Variants in EMC4 observed in about 807,000 individuals in gnomAD.
The protein encoded by EMC4 is ER membrane protein complex subunit 4.
Under a neutral mutation model 24.2 loss-of-function variants are expected in EMC4, and 9 were observed. That is an observed-to-expected ratio of 0.37 (90% CI 0.22 to 0.65). EMC4 has a LOEUF of 0.65. Ranked by LOEUF, EMC4 falls within the 30% of genes least tolerant of loss-of-function variation. The pLI is 0.59. For synonymous variants in EMC4, 86 were observed against 81.1 expected (o/e 1.06, Z -0.32); for missense variants, 169 against 234.6 (o/e 0.72, Z 1.83).
chr15:34,227,819 A>T lies in EMC4; in HGVS notation c.328A>T (p.Ile110Phe). ...GGTGTGTATGATGGCCTGGCGACCC[A>T]TTCAGGCACTTATGGCCATTTCAGC... ...MMVCMMAWRP[I>F]QALMAISATF... Residue 110 changes from isoleucine (I) to phenylalanine (F), a missense_variant, in exon 3 of 5, where the codon ATT (isoleucine) becomes TTT (phenylalanine). By Grantham distance (21) the Ile-to-Phe change is conservative. Coordinates refer to ENST00000267750, the MANE Select transcript of EMC4 (RefSeq NM_016454.4). The T allele has an allele frequency of 1.2e-6, 2 of 1,614,094 alleles. No individual in the cohort carries two copies. The highest frequency in any genetic ancestry group is 1.7e-6 in the Non-Finnish European group (2 of 1,179,956).
intron 1 of EMC4, 44 bp downstream of exon 1, chr15:34,225,244 C>T (rs1890618948): frequency 5.5e-6 from 8 of 1,462,132 alleles, no homozygotes; most frequent in Non-Finnish European, 7.4e-6. Flanking sequence ...CATCCCAGAA[C>T]TGCACCAGAG....
At chr15:34,225,854 G>C (rs376583573) in intron 2 of EMC4, 13 of 626,840 alleles carry the variant, frequency 2.1e-5, no homozygotes, top group Non-Finnish European at 3.8e-5. Context: ...TGGAACATAA[G>C]GTATAAGAAA....
At chr15:34,228,345 C>A in intron 3 of EMC4, 84 bp from the exon 4 acceptor site, 1 of 1,429,830 alleles carries the variant, frequency 7.0e-7, no homozygotes, top group South Asian at 1.3e-5. Flanking sequence ...ATGGGTCTGT[C>A]TATATGAATT....
At chr15:34,228,712 G>A (rs1356768965) in intron 4 of EMC4, 123 bp downstream of exon 4, 1 of 739,984 alleles carries the variant, frequency 1.4e-6, no homozygotes, top group Non-Finnish European at 2.0e-6. Flanking sequence ...TTTTTTTTGA[G>A]ACGGAGTATT....
rs1195991372 is a variant in EMC4, at chr15:34,225,143, A to G, written c.29A>G (p.Asn10Ser). Residue 10 changes from asparagine (N) to serine (S), a missense_variant, in exon 1 of 5, where the codon AAC (asparagine) becomes AGC (serine). Coordinates refer to ENST00000267750, the MANE Select transcript of EMC4 (RefSeq NM_016454.4). MTAQGGLVA[N>S]RGRRFKWAIE... ...ACGGCCCAGGGGGGCCTGGTGGCTA[A>G]CCGAGGCCGGCGCTTCAAGTGGGCC... 2 of 1,551,666 alleles carry G rather than the reference A, an allele frequency of 1.3e-6. No homozygotes were observed. The highest frequency in any genetic ancestry group is 1.4e-5 in the African/African-American group (1 of 73,174).
Position 34,230,063 on chromosome 15 carries a change from C to T in EMC4, c.*275C>T. On this transcript the variant is annotated 3_prime_UTR_variant, in exon 5 of 5. Coordinates refer to ENST00000267750, the MANE Select transcript of EMC4 (RefSeq NM_016454.4). ...GCAAAACAACAACAAAAAAACATAACTATGTAAACAAGAGAATAACTGCTG... is the reference window on the plus strand; with the variant it reads ...GCAAAACAACAACAAAAAAACATAATTATGTAAACAAGAGAATAACTGCTG... 2.3e-6 allele frequency: 1 copy of T among 435,664 alleles called. No homozygotes were observed. The highest frequency in any genetic ancestry group is 4.1e-6 in the Non-Finnish European group (1 of 246,812). 27.0% of individuals were successfully genotyped at this position (435,664 alleles called of 1,614,324 possible). A position where few individuals can be genotyped will look rare whatever the true frequency, so the allele number is the denominator to read the frequency against.
intron 4 of EMC4, 97 bp downstream of exon 4, chr15:34,228,686 C>CTT (rs71119951): frequency 1.5e-3 from 441 of 300,596 alleles, no homozygotes; most frequent in African/African-American, 2.6e-3. Context: ...ATTTGAGTTT[C>CTT]TTTTTTTTTT....
At chr15:34,227,902 C>T (rs1484697286) in intron 3 of EMC4, 56 bp downstream of exon 3, 31 of 1,574,068 alleles carry the variant, frequency 2.0e-5, no homozygotes, top group Middle Eastern at 1.8e-4. Flanking sequence ...AAAGGCAGGC[C>T]GGGCATGGTG....
rs1395461658 is a variant in EMC4 at position 34,228,851 on chromosome 15, A to AT, written c.516+269dup. On this transcript the variant is annotated intron_variant, in intron 4 of 4. Transcript: ENST00000267750. Reference sequence around the variant, plus strand: ...AGGCACCTGCCACCATGCCCAGCTAATTTTTTTGTATCTTTTAGTAGAGAT... The same window carrying AT: ...AGGCACCTGCCACCATGCCCAGCTAATTTTTTTTGTATCTTTTAGTAGAGAT... 1.1e-4 allele frequency: 29 copies of AT among 272,446 alleles called. No individual in the cohort carries two copies. In the South Asian group the frequency reaches 1.3e-3, roughly 12 times the overall value. 16.9% of individuals were successfully genotyped at this position (272,446 alleles called of 1,614,324 possible). A position where few individuals can be genotyped will look rare whatever the true frequency, so the allele number is the denominator to read the frequency against.
Position 34,227,851 on chromosome 15 carries a change from G to C in EMC4, c.355+5G>C. On this transcript the variant is annotated splice_donor_5th_base_variant and intron_variant, in intron 3 of 4. Coordinates refer to ENST00000267750, the MANE Select transcript of EMC4 (RefSeq NM_016454.4). The stretch of plus-strand genomic sequence containing the variant: ...CACTTATGGCCATTTCAGCCAGTAA[G>C]TATTCTTGAAACAATAACCCTTCCA... 6.2e-7 allele frequency: 1 copy of C among 1,612,616 alleles called. No homozygotes were observed. The highest frequency in any genetic ancestry group is 1.7e-4 in the Middle Eastern group (1 of 6,042).
chr15:34,225,552 G>A lies in EMC4; in HGVS notation c.103G>A (p.Gly35Ser). The A allele has an allele frequency of 6.2e-7, 1 of 1,614,106 alleles. No individual in the cohort carries two copies. Among genetic ancestry groups the A allele is most frequent in the Non-Finnish European group, 8.5e-7 (1 of 1,179,954 alleles). Residue 35 changes from glycine (G) to serine (S), a missense_variant, in exon 2 of 5, where the codon GGC (glycine) becomes AGC (serine). Physicochemically the swap from Gly to Ser is moderately conservative, Grantham distance 56. Transcript: ENST00000267750. ...GTTTTTTAGGGGTCGAAGTGACCGG[G>A]GCAGTGGCCAGGGAGACTCGCTCTA... ...GGGSRGRSDR[G>S]SGQGDSLYPV...
Position 34,228,558 on chromosome 15 carries a change from C to T in EMC4, c.485C>T (p.Ser162Leu), listed in dbSNP as rs1040431132. The T allele has an allele frequency of 1.1e-5, 17 of 1,613,624 alleles. No homozygotes were observed. Among genetic ancestry groups the T allele is most frequent in the East Asian group, 2.2e-5 (1 of 44,868 alleles). The change falls in exon 4 of 5, where the codon TCG becomes TTG. Residue 162 changes from serine to leucine, a missense_variant. By Grantham distance (145) the Ser-to-Leu change is moderately radical. Coordinates refer to ENST00000267750, the MANE Select transcript of EMC4 (RefSeq NM_016454.4). ...QSMGLLPTHA[S>L]DWLAFIEPPE... Reference sequence around the variant, plus strand: ...ATGGGACTGTTACCTACACATGCATCGGATTGGTTAGCCTTCATTGAGCCC... The same window carrying T: ...ATGGGACTGTTACCTACACATGCATTGGATTGGTTAGCCTTCATTGAGCCC...
intron 2 of EMC4, chr15:34,226,343 A>C (rs569348757): frequency 6.5e-6 from 1 of 154,656 alleles, no homozygotes; most frequent in African/African-American, 2.4e-5. Flanking sequence ...TCATTTTTTC[A>C]TTCCTGATAT....
Position 34,225,178 on chromosome 15 carries a change from AGCGG to A in EMC4, c.67_70del (p.Gly23LeufsTer59). The A allele has an allele frequency of 1.3e-6, 2 of 1,551,372 alleles. No homozygotes were observed. The highest frequency in any genetic ancestry group is 1.7e-6 in the Non-Finnish European group (2 of 1,146,830). On this transcript the variant is annotated frameshift_variant, in exon 1 of 5. Transcript: ENST00000267750. LOFTEE classifies it high-confidence loss of function. ...GCGCTTCAAGTGGGCCATTGAGCTA[AGCGG>A]GCCTGGAGGAGGCAGCAGGTGAGGC...
At chr15:34,227,662 C>A in intron 2 of EMC4, 31 bp from the exon 3 acceptor site, 1 of 1,606,432 alleles carries the variant, frequency 6.2e-7, no homozygotes, top group South Asian at 1.1e-5. Context: ...GGGTAGTGAT[C>A]AGAGGGTTAA....
Position 34,229,821 on chromosome 15 carries a change from T to A in EMC4, c.*33T>A. 1 of 1,609,642 alleles carries A rather than the reference T, an allele frequency of 6.2e-7. No homozygotes were observed. Among genetic ancestry groups the A allele is most frequent in the Non-Finnish European group, 8.5e-7 (1 of 1,175,938 alleles). On this transcript the variant is annotated 3_prime_UTR_variant, in exon 5 of 5. Transcript: ENST00000267750. Reference sequence around the variant, plus strand: ...AAAGCAGCGCCTGGTCCCTATGTATTTGGGTCTTATTTACATCCTTCTTTA... The same window carrying A: ...AAAGCAGCGCCTGGTCCCTATGTATATGGGTCTTATTTACATCCTTCTTTA...
chr15:34,229,676 T>C, intron 4 of EMC4, 77 bp from the exon 5 acceptor site: 1 of 835,538 alleles, frequency 1.2e-6, no homozygotes. Context: ...GTGGTTAAAG[T>C]ATTAAGTAAT....
intron 4 of EMC4, 177 bp from the exon 5 acceptor site, chr15:34,229,576 G>A: frequency 1.8e-6 from 1 of 558,890 alleles, no homozygotes; most frequent in South Asian, 2.3e-5. Context: ...CAAGCGATCT[G>A]CCTGCCTTGG....
chr15:34,227,716 T>A lies in EMC4; in HGVS notation c.225T>A (p.Gly75=), dbSNP rs200052989. 16 of 1,613,868 alleles carry A rather than the reference T, an allele frequency of 9.9e-6. No individual in the cohort carries two copies. Among genetic ancestry groups the A allele is most frequent in the Non-Finnish European group, 1.3e-5 (15 of 1,179,928 alleles). ...VEKRCWDIAL[G]PLKQIPMNLF... Reference sequence around the variant, plus strand: ...AGCGCTGCTGGGACATCGCCTTGGGTCCCCTCAAACAGATTCCCATGAATC... The same window carrying A: ...AGCGCTGCTGGGACATCGCCTTGGGACCCCTCAAACAGATTCCCATGAATC... The change falls in exon 3 of 5, where the codon GGT becomes GGA. Residue 75 remains glycine, a synonymous_variant. Transcript: ENST00000267750.
Sources: allele counts gnomAD v4.1 joint callset, GRCh38; gene constraint gnomAD v4.1.1; transcripts MANE v1.5; gene names NCBI Gene and HGNC (gene_info 2026-07-23, HGNC 2026-07-21).